Variants in DRAM1 observed in about 807,000 individuals in gnomAD.
The protein encoded by DRAM1 is DNA damage-regulated autophagy modulator protein 1.
DRAM1 carries 25 observed loss-of-function variants against 28.5 expected under a neutral mutation model. The ratio of observed to expected loss-of-function variants is 0.88; its 90% CI spans 0.64 to 1.23. DRAM1 has a LOEUF of 1.23. DRAM1 is among the 50% of genes most tolerant of loss of function. The pLI is 0.00. For synonymous variants in DRAM1, 113 were observed against 114.2 expected (o/e 0.99, Z 0.07); for missense variants, 249 against 299.2 (o/e 0.83, Z 1.24).
intron 1 of DRAM1, among the ~76,000 whole-genome samples, chr12:101,884,071 A>G (rs1251760326): frequency 6.6e-6 from 1 of 152,006 alleles, no homozygotes; most frequent in African/African-American, 2.4e-5. Flanking sequence ...AAGGACAAAT[A>G]AAAGCTAATC....
intron 1 of DRAM1, among the ~76,000 whole-genome samples, chr12:101,897,249 G>T (rs7137726): frequency 0.51 from 77,857 of 151,664 alleles, 20,454 homozygotes; most frequent in East Asian, 0.63. Flanking sequence ...GCCCAGGCTC[G>T]AATGCAGTGG....
At chr12:101,917,089 C>T (rs1594313614) in intron 5 of DRAM1, among the ~76,000 whole-genome samples, 3 of 152,162 alleles carry the variant, frequency 2.0e-5, no homozygotes, top group Non-Finnish European at 4.4e-5. Context: ...TGAAGTCCCT[C>T]AATTTGGGCA....
In DRAM1 at chr12:101,921,392, A is replaced by G. The variant is rs1874477680; in HGVS notation, c.*132A>G. 1.4e-6 allele frequency: 1 copy of G among 712,660 alleles called. No individual in the cohort carries two copies. 44.1% of individuals were successfully genotyped at this position (712,660 alleles called of 1,614,324 possible). ...GCAGCACATCCAGGACTTGAATTTC[A>G]TTACGAGTTCCTAATAGTTGTATTT... On this transcript the variant is annotated 3_prime_UTR_variant, in exon 7 of 7. Transcript: ENST00000258534.
Position 101,891,076 on chromosome 12 carries a change from A to G in DRAM1, c.132-6787A>G, listed in dbSNP as rs1873111133. On this transcript the variant is annotated intron_variant, in intron 1 of 6. Transcript: ENST00000258534. ...CCCCCCACATTCTAAAACAGTCATC[A>G]CCAAGTGAAGCTGCCAGAAAGTTAG... Among the ~76,000 whole-genome samples, 7 of 152,290 alleles carry G rather than the reference A, an allele frequency of 4.6e-5. No individual in the cohort carries two copies. In the South Asian group the frequency reaches 1.5e-3, roughly 32 times the overall value.
chr12:101,905,822 G>A (rs1873785281), intron 3 of DRAM1, among the ~76,000 whole-genome samples: 1 of 151,596 alleles, frequency 6.6e-6, no homozygotes. Flanking sequence ...GTCTCGCTCT[G>A]TCTCCCAGAC....
chr12:101,895,186 G>GTTTTTTTTTTTTTTGTTTTTGT (rs1873301395), intron 1 of DRAM1, among the ~76,000 whole-genome samples: 1 of 75,720 alleles, frequency 1.3e-5, no homozygotes, highest in Non-Finnish European at 2.3e-5. Flanking sequence ...AACCCTTCAG[G>GTTTTTTTTTTTTTTGTTTTTGT]TTTTTTTTTT....
intron 3 of DRAM1, among the ~76,000 whole-genome samples, chr12:101,902,845 A>G (rs1873655407): frequency 6.6e-6 from 1 of 152,136 alleles, no homozygotes; most frequent in Non-Finnish European, 1.5e-5. Context: ...TCGTCATATC[A>G]GGAGCAAACC....
chr12:101,910,082 C>G (rs985197899), intron 4 of DRAM1, among the ~76,000 whole-genome samples: 3 of 152,166 alleles, frequency 2.0e-5, no homozygotes, highest in African/African-American at 7.2e-5. Context: ...AATGTGAAGT[C>G]TAAGTATGAT....
intron 1 of DRAM1, among the ~76,000 whole-genome samples, chr12:101,894,045 C>T (rs1873248387): frequency 6.6e-6 from 1 of 152,116 alleles, no homozygotes; most frequent in Admixed American, 6.6e-5. Flanking sequence ...ATCTTTCCAC[C>T]TTAGCCTCCC....
At chr12:101,915,870 CG>C (rs1874224315) in intron 5 of DRAM1, among the ~76,000 whole-genome samples, 1 of 152,064 alleles carries the variant, frequency 6.6e-6, no homozygotes, top group Non-Finnish European at 1.5e-5. Context: ...TGCAGACTTT[CG>C]AACGGTAAAG....
chr12:101,921,322 G>A lies in DRAM1; in HGVS notation c.*62G>A. ...AGGCCATTTCTAAAAGTGCTACAGA[G>A]GACAGACAGGGTTTTGAGGCCACCC... is the stretch of plus-strand genomic sequence containing the variant. On this transcript the variant is annotated 3_prime_UTR_variant, in exon 7 of 7. Coordinates refer to ENST00000258534, the MANE Select transcript of DRAM1 (RefSeq NM_018370.3). 1 of 1,414,148 alleles carries A rather than the reference G, an allele frequency of 7.1e-7. No homozygotes were observed. The highest frequency in any genetic ancestry group is 2.3e-5 in the East Asian group (1 of 43,860). 87.6% of individuals were successfully genotyped at this position (1,414,148 alleles called of 1,614,324 possible).
chr12:101,918,829 C>T (rs1483471044), intron 5 of DRAM1, among the ~76,000 whole-genome samples: 5 of 152,158 alleles, frequency 3.3e-5, no homozygotes, highest in Non-Finnish European at 7.3e-5. Flanking sequence ...AGGGGGCACA[C>T]TGACAGTCCC....
At chr12:101,907,983 A>C (rs1294156235) in intron 3 of DRAM1, among the ~76,000 whole-genome samples, 1 of 152,138 alleles carries the variant, frequency 6.6e-6, no homozygotes, top group African/African-American at 2.4e-5. Flanking sequence ...CCATGAGCCC[A>C]GGTTCGCTGT....
chr12:101,894,102 A>T (rs1297673172), intron 1 of DRAM1, among the ~76,000 whole-genome samples: 2 of 150,052 alleles, frequency 1.3e-5, no homozygotes, highest in African/African-American at 4.9e-5. Context: ...GGCTTTTTGT[A>T]TTTATTTTAT....
Position 101,897,861 on chromosome 12 carries a change from A to G in DRAM1, c.132-2A>G. On this transcript the variant is annotated splice_acceptor_variant, in intron 1 of 6. Transcript: ENST00000258534. LOFTEE classifies it high-confidence loss of function. ...AATTTGGACATTTCTTCCCTTTGCC[A>G]GTGATACGGGAACAACACCTCCAGA... 6 of 1,606,214 alleles carry G rather than the reference A, an allele frequency of 3.7e-6. No individual in the cohort carries two copies. The highest frequency in any genetic ancestry group is 5.1e-6 in the Non-Finnish European group (6 of 1,174,350).
intron 5 of DRAM1, among the ~76,000 whole-genome samples, chr12:101,917,694 CA>C (rs34726299): frequency 0.44 from 47,246 of 107,504 alleles, 7,434 homozygotes; most frequent in Middle Eastern, 0.54. Context: ...GACTCCATCT[CA>C]AAAAAAAAAA....
chr12:101,878,040 T>G (rs1872558244), intron 1 of DRAM1, 120 bp downstream of exon 1: 2 of 1,306,168 alleles, frequency 1.5e-6, no homozygotes, highest in Non-Finnish European at 2.0e-6. Context: ...CAGGCAGAGG[T>G]GGGAGCAGGA....
Position 101,901,465 on chromosome 12 carries a change from G to T in DRAM1, c.342+32G>T, listed in dbSNP as rs770270111. 5.6e-6 allele frequency: 9 copies of T among 1,610,588 alleles called. No individual in the cohort carries two copies. In the Admixed American group the frequency reaches 1.2e-4, roughly 21 times the overall value. On this transcript the variant is annotated intron_variant, in intron 3 of 6. Coordinates refer to ENST00000258534, the MANE Select transcript of DRAM1 (RefSeq NM_018370.3). The stretch of plus-strand genomic sequence containing the variant: ...TCTGGAGCTTTTTCAGTTATGAGGA[G>T]TGGTGGAGTGTATGTGTCTGAAGAG...
At chr12:101,898,862 G>A (rs1004272307) in intron 2 of DRAM1, among the ~76,000 whole-genome samples, 8 of 152,178 alleles carry the variant, frequency 5.3e-5, no homozygotes, top group African/African-American at 1.9e-4. Flanking sequence ...GCAGATGATA[G>A]GGTGCAACCT....
Sources: gnomAD v4.1 joint callset for allele counts (sites outside exome capture counted in the v4.1 genomes callset) on GRCh38, gnomAD v4.1.1 for gene constraint, MANE v1.5 for transcripts, NCBI Gene and HGNC (gene_info 2026-07-23, HGNC 2026-07-21) for gene names.